AMBRA1: variants seen among roughly 807,000 people sequenced by gnomAD.
The protein encoded by AMBRA1 is autophagy and beclin 1 regulator 1.
A neutral mutation model predicts 125.4 loss-of-function variants in AMBRA1; 47 were observed. That is an observed-to-expected ratio of 0.37 (90% CI 0.30 to 0.48). The LOEUF is 0.48. AMBRA1 is among the 20% of genes least tolerant of loss of function. The pLI is 0.99. For missense variants in AMBRA1, 1,331 were observed against 1,693.4 expected (o/e 0.79, Z 3.76); for synonymous variants, 626 against 655.5 (o/e 0.95, Z 0.69).
intron 7 of AMBRA1, among the ~76,000 whole-genome samples, chr11:46,534,247 C>T (rs1952357446): frequency 1.3e-5 from 2 of 151,296 alleles, no homozygotes; most frequent in Non-Finnish European, 2.9e-5. Context: ...AATCCCAGAA[C>T]TTTGGGAGGC....
chr11:46,592,442 T>C (rs1448377175), intron 1 of AMBRA1, among the ~76,000 whole-genome samples: 1 of 152,140 alleles, frequency 6.6e-6, no homozygotes, highest in African/African-American at 2.4e-5. Context: ...CTTTTGTATG[T>C]GCAGTGACCA....
chr11:46,482,971 T>C (rs1950131197), intron 11 of AMBRA1, among the ~76,000 whole-genome samples: 1 of 148,460 alleles, frequency 6.7e-6, no homozygotes, highest in Non-Finnish European at 1.5e-5. Flanking sequence ...ACCATGCCAT[T>C]GCACTCCAGC....
chr11:46,468,418 C>A (rs1208226735), intron 11 of AMBRA1, among the ~76,000 whole-genome samples: 1 of 151,824 alleles, frequency 6.6e-6, no homozygotes, highest in African/African-American at 2.4e-5. Flanking sequence ...CAAGCATTAC[C>A]CTTGGCTCAA....
At chr11:46,544,171 A>C (rs1164383747) in intron 5 of AMBRA1, 130 bp from the exon 6 acceptor site, 1 of 663,238 alleles carries the variant, frequency 1.5e-6, no homozygotes, top group Non-Finnish European at 2.6e-6. Context: ...CACTTCATTC[A>C]AGACTTCCAA....
At chr11:46,398,231 T>C (rs1322573151) in intron 17 of AMBRA1, among the ~76,000 whole-genome samples, 2 of 152,148 alleles carry the variant, frequency 1.3e-5, no homozygotes, top group Non-Finnish European at 2.9e-5. Flanking sequence ...ATGAGTTCTC[T>C]CAGCACCAGT....
intron 4 of AMBRA1, 95 bp downstream of exon 4, chr11:46,547,018 C>G: frequency 1.6e-6 from 2 of 1,247,654 alleles, no homozygotes; most frequent in African/African-American, 3.1e-5. Context: ...TTGCAGCGAG[C>G]CAAGATCACA....
intron 14 of AMBRA1, among the ~76,000 whole-genome samples, chr11:46,426,857 GTC>G (rs1357620081): frequency 3.3e-5 from 5 of 152,142 alleles, no homozygotes; most frequent in Non-Finnish European, 7.4e-5. Flanking sequence ...AAAGCCATCT[GTC>G]TTTTATCCCA....
intron 1 of AMBRA1, among the ~76,000 whole-genome samples, chr11:46,565,281 G>A (rs1436366044): frequency 6.6e-6 from 1 of 151,250 alleles, no homozygotes; most frequent in African/African-American, 2.4e-5. Flanking sequence ...AAAGGAAAAA[G>A]AACCACATAA....
At chr11:46,551,646 G>A (rs573033607) in intron 1 of AMBRA1, among the ~76,000 whole-genome samples, 9 of 152,178 alleles carry the variant, frequency 5.9e-5, no homozygotes, top group East Asian at 1.9e-4. Flanking sequence ...CAAGGTGGGC[G>A]GATCACCTGA....
chr11:46,494,584 T>G, intron 9 of AMBRA1: 1 of 161,328 alleles, frequency 6.2e-6, no homozygotes, highest in East Asian at 1.7e-4. Context: ...TTTATCATTT[T>G]ACTTGTTATC....
intron 1 of AMBRA1, among the ~76,000 whole-genome samples, chr11:46,554,159 C>G (rs1196961434): frequency 6.6e-6 from 1 of 152,178 alleles, no homozygotes; most frequent in Non-Finnish European, 1.5e-5. Context: ...GAAGAAACAT[C>G]TTGAGAGTCC....
Position 46,542,867 on chromosome 11 carries a change from G to A in AMBRA1, c.1150C>T (p.Arg384Cys), listed in dbSNP as rs761699385. Reference sequence around the variant, plus strand: ...CGGGTAGGACCCAGACTGAGGTTGCGGAGCGTGTTGCCGGCAGTGCTGCTC... The same window carrying A: ...CGGGTAGGACCCAGACTGAGGTTGCAGAGCGTGTTGCCGGCAGTGCTGCTC... ...VQSSTAGNTL[R>C]NLSLGPTRRS... The change falls in exon 7 of 18, where the codon CGC becomes TGC. Residue 384 changes from arginine (R) to cysteine (C), a missense_variant. Transcript: ENST00000683756. The surrounding 1 kb of genome is among the most constrained non-coding windows in gnomAD (Gnocchi z 5.9). 1.5e-5 allele frequency: 24 copies of A among 1,613,312 alleles called. No homozygotes were observed. Among genetic ancestry groups the A allele is most frequent in the South Asian group, 3.3e-5 (3 of 91,056 alleles).
At chr11:46,515,788 G>A (rs956291594) in intron 7 of AMBRA1, among the ~76,000 whole-genome samples, 6 of 152,152 alleles carry the variant, frequency 3.9e-5, no homozygotes, top group African/African-American at 1.4e-4. Context: ...CGATTCTCCT[G>A]CCTCAGCCTC....
intron 1 of AMBRA1, among the ~76,000 whole-genome samples, chr11:46,581,148 T>C (rs2044154742): frequency 6.6e-6 from 1 of 151,916 alleles, no homozygotes; most frequent in African/African-American, 2.4e-5. Flanking sequence ...GCTTAAAACC[T>C]TCAAAATCTT....
chr11:46,530,934 A>G (rs538380405), intron 7 of AMBRA1, among the ~76,000 whole-genome samples: 1 of 152,350 alleles, frequency 6.6e-6, no homozygotes, highest in East Asian at 1.9e-4. Flanking sequence ...CCCAGGCTGG[A>G]GTGCAGTGGC....
At position 46,541,420 on chromosome 11, in the gene AMBRA1, T is replaced by A. The variant is rs566070580; in HGVS notation, c.2072+525A>T. 1.6e-4 allele frequency among the ~76,000 whole-genome samples: 24 copies of A among 152,226 alleles called. No homozygotes were observed. In the South Asian group the frequency reaches 3.7e-3, roughly 24 times the overall value. On this transcript the variant is annotated intron_variant, in intron 7 of 17. Coordinates refer to ENST00000683756, the MANE Select transcript of AMBRA1 (RefSeq NM_001387011.1). ...TTTTCTTGACATACATATATATACATATATGTATTTTTTTTTCTTTTCCCT... is the reference window on the plus strand; with the variant it reads ...TTTTCTTGACATACATATATATACAAATATGTATTTTTTTTTCTTTTCCCT...
chr11:46,441,391 G>C (rs1947997305), intron 12 of AMBRA1, among the ~76,000 whole-genome samples: 1 of 152,070 alleles, frequency 6.6e-6, no homozygotes, highest in Non-Finnish European at 1.5e-5. Flanking sequence ...GCGTGCACCT[G>C]TAGTCCCAGC....
chr11:46,548,000 A>G, intron 2 of AMBRA1, 125 bp from the exon 3 acceptor site: 1 of 1,248,464 alleles, frequency 8.0e-7, no homozygotes, highest in Admixed American at 2.2e-5. Context: ...ACTGGAGACA[A>G]TGATCAAGCT....
At chr11:46,417,597 T>C (rs1946603166) in intron 15 of AMBRA1, among the ~76,000 whole-genome samples, 1 of 152,168 alleles carries the variant, frequency 6.6e-6, no homozygotes, top group African/African-American at 2.4e-5. Flanking sequence ...GAATCTTTGA[T>C]ATCTATGCTT....
Sources: gnomAD v4.1 joint callset for allele counts (sites outside exome capture counted in the v4.1 genomes callset) on GRCh38, gnomAD v4.1.1 for gene constraint, Gnocchi (gnomAD v3.1) non-coding constraint, MANE v1.5 for transcripts, NCBI Gene and HGNC (gene_info 2026-07-23, HGNC 2026-07-21) for gene names.